LARP1B: variants seen among roughly 807,000 people sequenced by gnomAD.
The protein encoded by LARP1B is la-related protein 1B.
Under a neutral mutation model 114.2 loss-of-function variants are expected in LARP1B, and 76 were observed. The observed-to-expected ratio is 0.67, with a 90% confidence interval of 0.55 to 0.81. LARP1B has a LOEUF of 0.81. LARP1B is among the 30% of genes least tolerant of loss of function. The pLI is 0.00. For missense variants in LARP1B, 1,014 were observed against 1,075.8 expected, an observed-to-expected ratio of 0.94 and a Z score of 0.80; for synonymous variants, 345 against 348.0, an observed-to-expected ratio of 0.99 and a Z score of 0.10.
intron 9 of LARP1B, among the ~76,000 whole-genome samples, chr4:128,113,781 C>CTTT (rs1156610852): frequency 1.6e-3 from 181 of 114,210 alleles, no homozygotes; most frequent in Middle Eastern, 5.3e-3. Flanking sequence ...GACATTTACT[C>CTTT]TTTTTTTTTT....
chr4:128,190,462 C>T (rs1055462332), intron 15 of LARP1B, among the ~76,000 whole-genome samples: 1 of 152,068 alleles, frequency 6.6e-6, no homozygotes, highest in Non-Finnish European at 1.5e-5. Context: ...TTTGTGTTCC[C>T]ACCCGTCTCA....
At chr4:128,115,389 C>T (rs926627443) in intron 10 of LARP1B, among the ~76,000 whole-genome samples, 1 of 152,168 alleles carries the variant, frequency 6.6e-6, no homozygotes, top group African/African-American at 2.4e-5. Context: ...TAGGGTGACC[C>T]TGTCTCTACA....
chr4:128,087,708 A>G (rs1324695341), intron 5 of LARP1B, among the ~76,000 whole-genome samples: 1 of 152,182 alleles, frequency 6.6e-6, no homozygotes, highest in Non-Finnish European at 1.5e-5. Flanking sequence ...TCCACAAAAT[A>G]TGACTTTTAA....
chr4:128,073,572 G>GTTTTTT lies in LARP1B; in HGVS notation c.-77-856_-77-851dup, dbSNP rs568197117. The stretch of plus-strand genomic sequence containing the variant: ...AATTTTCTCCTGTTATATTGTTGTC[G>GTTTTTT]TTTTTTTTTTTTTTTTTTTTTTTTT... On this transcript the variant is annotated intron_variant, in intron 1 of 19. Coordinates refer to ENST00000326639, the MANE Select transcript of LARP1B (RefSeq NM_018078.4). 1.0e-4 allele frequency among the ~76,000 whole-genome samples: 4 copies of GTTTTTT among 40,004 alleles called. 1 individual carries two copies. Among genetic ancestry groups the GTTTTTT allele is most frequent in the East Asian group, 9.3e-4 (1 of 1,074 alleles). 26.2% of individuals were successfully genotyped at this position (40,004 alleles called of 152,430 possible).
At chr4:128,099,715 T>TACAC (rs61571039) in intron 8 of LARP1B, among the ~76,000 whole-genome samples, 13 of 151,316 alleles carry the variant, frequency 8.6e-5, no homozygotes, top group East Asian at 1.9e-4. Flanking sequence ...GATATATATA[T>TACAC]ACACACACAC....
At chr4:128,171,428 C>T (rs1371767162) in intron 12 of LARP1B, among the ~76,000 whole-genome samples, 4 of 152,170 alleles carry the variant, frequency 2.6e-5, no homozygotes, top group African/African-American at 9.7e-5. Flanking sequence ...TCACCACACT[C>T]AGCTGAAATT....
intron 11 of LARP1B, chr4:128,123,290 T>C: frequency 1.0e-6 from 1 of 985,458 alleles, no homozygotes; most frequent in Non-Finnish European, 1.2e-6. Flanking sequence ...CCTACTGCTG[T>C]GGGAAAGGAA....
In LARP1B at chr4:128,114,098, A is replaced by T. The variant is rs141668124; in HGVS notation, c.989-472A>T. Among the ~76,000 whole-genome samples, 86 of 152,340 alleles carry T rather than the reference A, an allele frequency of 5.6e-4. No homozygotes were observed. The East Asian group carries it at 0.016, about 28-fold the overall frequency. ...TAGACAAACCTTGCTGAGCCAAGGA[A>T]ATGTGAAAAGTAGGAGTAATAATGG... On this transcript the variant is annotated intron_variant, in intron 9 of 19. Coordinates refer to ENST00000326639, the MANE Select transcript of LARP1B (RefSeq NM_018078.4).
At position 128,199,573 on chromosome 4, in the gene LARP1B, A is replaced by G; in HGVS notation, c.2138A>G (p.His713Arg). ...KENGFTQQVYHKYRRRCLSER... is the reference protein window; with the variant it reads ...KENGFTQQVYRKYRRRCLSER... Reference sequence around the variant, plus strand: ...AATGGCTTTACCCAACAAGTGTACCACAAGTATCGTCGAAGATGCCTAAGT... The same window carrying G: ...AATGGCTTTACCCAACAAGTGTACCGCAAGTATCGTCGAAGATGCCTAAGT... Residue 713 changes from histidine (H) to arginine (R), a missense_variant, in exon 16 of 20, where the codon CAC (histidine) becomes CGC (arginine). By Grantham distance (29) the His-to-Arg change is conservative. Coordinates refer to ENST00000326639, the MANE Select transcript of LARP1B (RefSeq NM_018078.4). 6.3e-7 allele frequency: 1 copy of G among 1,576,374 alleles called. No homozygotes were observed. The highest frequency in any genetic ancestry group is 8.6e-7 in the Non-Finnish European group (1 of 1,160,142).
intron 13 of LARP1B, among the ~76,000 whole-genome samples, chr4:128,177,620 ATC>A (rs2150644620): frequency 6.6e-6 from 1 of 152,340 alleles, no homozygotes; most frequent in Non-Finnish European, 1.5e-5. Context: ...CAACAACTAG[ATC>A]ATTTAAATCC....
In LARP1B at chr4:128,200,670, G is replaced by A; in HGVS notation, c.2309+5G>A. ...AGATGCAAAAGAAAATTACAGGTCAGATATTTTCTTTTACACTTCAAGGGA... is the reference window on the plus strand; with the variant it reads ...AGATGCAAAAGAAAATTACAGGTCAAATATTTTCTTTTACACTTCAAGGGA... On this transcript the variant is annotated splice_donor_5th_base_variant and intron_variant, in intron 17 of 19. Transcript: ENST00000326639. 1.3e-6 allele frequency: 2 copies of A among 1,565,924 alleles called. No homozygotes were observed. Among genetic ancestry groups the A allele is most frequent in the South Asian group, 1.2e-5 (1 of 82,768 alleles).
intron 11 of LARP1B, chr4:128,156,260 C>A: frequency 8.9e-7 from 1 of 1,124,424 alleles, no homozygotes; most frequent in Non-Finnish European, 1.3e-6. Context: ...TGCTCCCCTT[C>A]CCCCACCAGT....
chr4:128,094,587 AG>A (rs1365868986), intron 7 of LARP1B, among the ~76,000 whole-genome samples: 1 of 150,950 alleles, frequency 6.6e-6, no homozygotes, highest in Non-Finnish European at 1.5e-5. Context: ...TTGTATTTTT[AG>A]TAGAGACAGG....
intron 12 of LARP1B, among the ~76,000 whole-genome samples, chr4:128,166,987 TATATATAC>T (rs1741287086): frequency 6.9e-6 from 1 of 145,176 alleles, no homozygotes; most frequent in East Asian, 2.0e-4. Context: ...TATATATATA[TATATATAC>T]ACACACACAT....
chr4:128,110,550 G>C (rs1216663044), intron 9 of LARP1B, among the ~76,000 whole-genome samples: 2 of 148,152 alleles, frequency 1.3e-5, no homozygotes, highest in Admixed American at 1.4e-4. Context: ...AGTGGCGGGC[G>C]CCTGTAGTCC....
At chr4:128,095,554 T>C (rs1777619602) in intron 7 of LARP1B, among the ~76,000 whole-genome samples, 1 of 151,822 alleles carries the variant, frequency 6.6e-6, no homozygotes, top group African/African-American at 2.4e-5. Context: ...GTCAGTAGTA[T>C]TTCAGTAGTC....
chr4:128,168,407 C>G (rs1194913470), intron 12 of LARP1B, among the ~76,000 whole-genome samples: 1 of 151,916 alleles, frequency 6.6e-6, no homozygotes, highest in African/African-American at 2.4e-5. Context: ...AATCTTTGGA[C>G]ATTTCTTTTA....
At chr4:128,066,797 ATTTTT>A (rs34995808) in intron 1 of LARP1B, among the ~76,000 whole-genome samples, 2 of 125,292 alleles carry the variant, frequency 1.6e-5, no homozygotes, top group Admixed American at 8.3e-5. Flanking sequence ...TTTTCTTGCC[ATTTTT>A]TTTTTTTTTT....
intron 11 of LARP1B, among the ~76,000 whole-genome samples, chr4:128,139,394 A>G (rs1463450019): frequency 6.6e-6 from 1 of 152,160 alleles, no homozygotes; most frequent in Non-Finnish European, 1.5e-5. Flanking sequence ...TCTAGAGGCT[A>G]AGGCAGGAGG....
Sources: allele counts gnomAD v4.1 joint callset (sites outside exome capture counted in the v4.1 genomes callset), GRCh38; gene constraint gnomAD v4.1.1; transcripts MANE v1.5; gene names NCBI Gene and HGNC (gene_info 2026-07-23, HGNC 2026-07-21).